TMEM38B: variants seen among roughly 807,000 people sequenced by gnomAD.
TMEM38B encodes trimeric intracellular cation channel type B.
A neutral mutation model predicts 28.7 loss-of-function variants in TMEM38B; 24 were observed. The ratio of observed to expected loss-of-function variants is 0.84; its 90% confidence interval spans 0.61 to 1.18. TMEM38B has a LOEUF of 1.18. Ranked by LOEUF, TMEM38B falls within the 50% of genes most tolerant of loss-of-function variation. The pLI is 0.00. For missense variants in TMEM38B, 380 were observed against 350.9 expected (o/e 1.08, Z -0.66); for synonymous variants, 131 against 127.7 (o/e 1.03, Z -0.17).
At chr9:105,716,222 G>A (rs1037560110) in intron 2 of TMEM38B, among the ~76,000 whole-genome samples, 6 of 152,020 alleles carry the variant, frequency 3.9e-5, no homozygotes, top group Non-Finnish European at 2.9e-5. Flanking sequence ...TCTCAGTGTG[G>A]GGCTTATTAT....
intron 5 of TMEM38B, chr9:105,759,512 G>A: frequency 1.3e-6 from 2 of 1,581,608 alleles, no homozygotes; most frequent in Non-Finnish European, 1.7e-6. Context: ...GGAGGAAGCT[G>A]TCATAATTTA....
Position 105,721,725 on chromosome 9 carries a change from A to G in TMEM38B, c.454+4A>G. 3.1e-6 allele frequency: 5 copies of G among 1,599,430 alleles called. No individual in the cohort carries two copies. The South Asian group carries it at 5.6e-5, about 18-fold the overall frequency. On this transcript the variant is annotated splice_donor_region_variant and intron_variant, in intron 3 of 5. Transcript: ENST00000374692. ...ATAGCTATTGGATGGGCCCGAGGTA[A>G]TATTGACAATATGTGTTCATAAATA... is the stretch of plus-strand genomic sequence containing the variant.
chr9:105,770,349 G>A (rs1402199613), intron 5 of TMEM38B, among the ~76,000 whole-genome samples: 1 of 152,004 alleles, frequency 6.6e-6, no homozygotes, highest in African/African-American at 2.4e-5. Context: ...GTATATAGTT[G>A]ATTTTTAATA....
At chr9:105,736,225 A>G (rs1197466323) in intron 4 of TMEM38B, among the ~76,000 whole-genome samples, 1 of 152,122 alleles carries the variant, frequency 6.6e-6, no homozygotes, top group African/African-American at 2.4e-5. Context: ...CTCCTTCTGT[A>G]GCTTTCATAA....
intron 1 of TMEM38B, among the ~76,000 whole-genome samples, chr9:105,703,404 T>C (rs958489221): frequency 9.9e-5 from 15 of 152,228 alleles, no homozygotes; most frequent in Non-Finnish European, 1.8e-4. Flanking sequence ...TGCATAGTAT[T>C]CCATGGTGTA....
chr9:105,698,810 A>G (rs1472879442), intron 1 of TMEM38B, among the ~76,000 whole-genome samples: 1 of 152,080 alleles, frequency 6.6e-6, no homozygotes, highest in Non-Finnish European at 1.5e-5. Context: ...GTTCTTTGAT[A>G]TTTGGTAGAC....
At chr9:105,757,381 T>G (rs1837870846) in intron 5 of TMEM38B, among the ~76,000 whole-genome samples, 1 of 152,188 alleles carries the variant, frequency 6.6e-6, no homozygotes, top group South Asian at 2.1e-4. Flanking sequence ...AGTTTGCAAG[T>G]GTCTTTTTCA....
Position 105,694,606 on chromosome 9 carries a change from G to C in TMEM38B, c.-55G>C. 4 of 1,396,058 alleles carry C rather than the reference G, an allele frequency of 2.9e-6. No individual in the cohort carries two copies. Among genetic ancestry groups the C allele is most frequent in the African/African-American group, 1.5e-5 (1 of 68,008 alleles). The allele number at this position is 1,396,058 out of a possible 1,614,324, so 86.5% of individuals were successfully genotyped here. ...TGCCCTCTCCTACTCCTCACCGCGC[G>C]AGCGCGGGGAACCAGTAGCCGCGGC... On this transcript the variant is annotated 5_prime_UTR_variant, in exon 1 of 6. Transcript: ENST00000374692.
At chr9:105,696,490 T>C (rs1438280967) in intron 1 of TMEM38B, among the ~76,000 whole-genome samples, 1 of 152,204 alleles carries the variant, frequency 6.6e-6, no homozygotes, top group Non-Finnish European at 1.5e-5. Flanking sequence ...TTTCGCCATG[T>C]TGGCCAGGCT....
chr9:105,744,562 CT>C (rs529577296), intron 4 of TMEM38B, among the ~76,000 whole-genome samples: 2 of 151,212 alleles, frequency 1.3e-5, no homozygotes, highest in African/African-American at 2.4e-5. Flanking sequence ...AATGTAATTT[CT>C]TTTTTTTATT....
chr9:105,720,465 A>C (rs912071113), intron 2 of TMEM38B, among the ~76,000 whole-genome samples: 2 of 152,112 alleles, frequency 1.3e-5, no homozygotes, highest in Non-Finnish European at 2.9e-5. Flanking sequence ...TAAGAATCCC[A>C]AAGTCAATGA....
intron 5 of TMEM38B, among the ~76,000 whole-genome samples, chr9:105,770,472 T>C (rs1826508928): frequency 6.6e-6 from 1 of 152,164 alleles, no homozygotes; most frequent in Non-Finnish European, 1.5e-5. Flanking sequence ...ATTTTATTCA[T>C]TGATGCATTG....
chr9:105,774,215 C>A lies in TMEM38B; in HGVS notation c.*135C>A, dbSNP rs890765002. The A allele has an allele frequency of 1.4e-6, 1 of 736,434 alleles. No homozygotes were observed. The highest frequency in any genetic ancestry group is 2.2e-6 in the Non-Finnish European group (1 of 457,878). 45.6% of individuals were successfully genotyped at this position (736,434 alleles called of 1,614,324 possible). Reference sequence around the variant, plus strand: ...TGGAGGTGACAGAAAGAAAGAAATTCTTTGTTTGAGGGAGACTTCCCCTTT... The same window carrying A: ...TGGAGGTGACAGAAAGAAAGAAATTATTTGTTTGAGGGAGACTTCCCCTTT... On this transcript the variant is annotated 3_prime_UTR_variant, in exon 6 of 6. Coordinates refer to ENST00000374692, the MANE Select transcript of TMEM38B (RefSeq NM_018112.3).
At chr9:105,716,180 G>A (rs775277784) in intron 2 of TMEM38B, among the ~76,000 whole-genome samples, 7 of 152,034 alleles carry the variant, frequency 4.6e-5, no homozygotes, top group Non-Finnish European at 1.0e-4. Context: ...TTCTCAGTGT[G>A]GGGAGCTCAG....
At chr9:105,702,989 G>A (rs1029204288) in intron 1 of TMEM38B, among the ~76,000 whole-genome samples, 44 of 151,244 alleles carry the variant, frequency 2.9e-4, no homozygotes, top group African/African-American at 1.0e-3. Context: ...CTGGCTGAAA[G>A]CATTTTGATA....
chr9:105,695,433 A>C (rs1174193113), intron 1 of TMEM38B, among the ~76,000 whole-genome samples: 2 of 152,210 alleles, frequency 1.3e-5, no homozygotes, highest in Admixed American at 6.5e-5. Flanking sequence ...CTGTACAAGC[A>C]AGAGTTACCT....
intron 4 of TMEM38B, among the ~76,000 whole-genome samples, chr9:105,732,900 A>G (rs779917055): frequency 6.6e-6 from 1 of 152,212 alleles, no homozygotes; most frequent in Non-Finnish European, 1.5e-5. Context: ...TACCTTGGAC[A>G]GTATGGCCAT....
chr9:105,720,410 A>G (rs1358099038), intron 2 of TMEM38B, among the ~76,000 whole-genome samples: 1 of 152,122 alleles, frequency 6.6e-6, no homozygotes, highest in Non-Finnish European at 1.5e-5. Context: ...GTTTAGTTTT[A>G]CAGAGCCATC....
chr9:105,710,631 T>C (rs937930566), intron 2 of TMEM38B: 18 of 747,698 alleles, frequency 2.4e-5, no homozygotes, highest in Admixed American at 2.3e-4. Flanking sequence ...AATCCTCTCT[T>C]GGATGGTGAG....
Sources: gnomAD v4.1 joint callset for allele counts (sites outside exome capture counted in the v4.1 genomes callset) on GRCh38, gnomAD v4.1.1 for gene constraint, MANE v1.5 for transcripts, NCBI Gene and HGNC (gene_info 2026-07-23, HGNC 2026-07-21) for gene names.